MIR2052HG: variants seen among roughly 807,000 people sequenced by gnomAD.
MIR2052HG encodes MIR2052 host gene.
intron 1 of MIR2052HG, chr8:74,609,670 A>C (rs1354457156): frequency 1.3e-5 from 2 of 150,938 alleles, no homozygotes; most frequent in African/African-American, 4.8e-5. Flanking sequence ...AATATGCCAG[A>C]TTATTAGACT....
intron 4 of MIR2052HG, among the ~76,000 whole-genome samples, chr8:74,743,086 C>CA: frequency 6.6e-6 from 1 of 151,358 alleles, no homozygotes; most frequent in South Asian, 2.1e-4. Flanking sequence ...AAAAAACCAA[C>CA]AAAAAAACAC....
chr8:74,726,223 A>G (rs867238855), intron 4 of MIR2052HG, among the ~76,000 whole-genome samples: 2 of 152,192 alleles, frequency 1.3e-5, no homozygotes, highest in Non-Finnish European at 2.9e-5. Context: ...CTTGATAGTC[A>G]TACTCAGTGT....
chr8:74,681,783 A>C (rs958915965), intron 2 of MIR2052HG, among the ~76,000 whole-genome samples: 5 of 152,184 alleles, frequency 3.3e-5, no homozygotes, highest in African/African-American at 1.2e-4. Flanking sequence ...TGAGTCAAAT[A>C]AACTTCTGTT....
intron 2 of MIR2052HG, among the ~76,000 whole-genome samples, chr8:74,666,303 A>G (rs1045218881): frequency 6.6e-6 from 1 of 152,138 alleles, no homozygotes; most frequent in African/African-American, 2.4e-5. Context: ...AAAACCTGCC[A>G]ATGTCTTTTT....
intron 4 of MIR2052HG, among the ~76,000 whole-genome samples, chr8:74,723,724 C>T (rs1042796692): frequency 7.2e-5 from 11 of 152,140 alleles, no homozygotes; most frequent in African/African-American, 2.7e-4. Flanking sequence ...ATGTGCTCAG[C>T]CATTTCAGGA....
chr8:74,754,647 C>T (rs1291997793), intron 5 of MIR2052HG, among the ~76,000 whole-genome samples: 1 of 152,206 alleles, frequency 6.6e-6, no homozygotes, highest in Non-Finnish European at 1.5e-5. Flanking sequence ...CAGCCCCAGA[C>T]TACAGCTAGT....
rs200845679 is a variant in MIR2052HG, at chr8:74,749,014, T to G, written n.372-3427T>G. Among the ~76,000 whole-genome samples the G allele has an allele frequency of 2.6e-5, 4 of 152,318 alleles. No individual in the cohort carries two copies. In the East Asian group the frequency reaches 7.7e-4, roughly 29 times the overall value. ...GGAAGATAATTTTTAAAACTTTGCATGCCTCTTGGATGCCATTTCAATGTA... is the reference window on the plus strand; with the variant it reads ...GGAAGATAATTTTTAAAACTTTGCAGGCCTCTTGGATGCCATTTCAATGTA... On this transcript the variant is annotated intron_variant and non_coding_transcript_variant, in intron 4 of 6. Coordinates refer to ENST00000523442, the Ensembl canonical transcript of MIR2052HG.
chr8:74,680,986 TCTCA>T lies in MIR2052HG; in HGVS notation n.217-21387_217-21384del, dbSNP rs986121722. Among the ~76,000 whole-genome samples the T allele has an allele frequency of 4.9e-4, 72 of 146,130 alleles. No homozygotes were observed. The East Asian group carries it at 0.014, about 28-fold the overall frequency. On this transcript the variant is annotated intron_variant and non_coding_transcript_variant, in intron 2 of 6. Coordinates refer to ENST00000523442, the Ensembl canonical transcript of MIR2052HG. ...GAACAAAAAACCAAACACCGCATAT[TCTCA>T]CTCACAGGTGGGAATTGAACAATGA... is the stretch of plus-strand genomic sequence containing the variant.
chr8:74,665,748 C>A (rs1808916369), intron 2 of MIR2052HG, among the ~76,000 whole-genome samples: 2 of 152,150 alleles, frequency 1.3e-5, no homozygotes. Flanking sequence ...TGTCCCCACT[C>A]AAATCTCATT....
At chr8:74,726,231 T>G (rs1215664082) in intron 4 of MIR2052HG, among the ~76,000 whole-genome samples, 1 of 152,134 alleles carries the variant, frequency 6.6e-6, no homozygotes. Context: ...TCATACTCAG[T>G]GTATAAAACC....
At chr8:74,755,705 A>G (rs1274753041) in intron 5 of MIR2052HG, among the ~76,000 whole-genome samples, 2 of 152,170 alleles carry the variant, frequency 1.3e-5, no homozygotes, top group African/African-American at 4.8e-5. Context: ...TGTGGTGCTC[A>G]TAAAACATGG....
At chr8:74,724,650 A>G (rs1563540262) in intron 4 of MIR2052HG, among the ~76,000 whole-genome samples, 3 of 152,220 alleles carry the variant, frequency 2.0e-5, no homozygotes, top group Non-Finnish European at 2.9e-5. Context: ...AAAAGATGTG[A>G]ATTTCAGATA....
chr8:74,745,285 G>T (rs1275992747), intron 4 of MIR2052HG, among the ~76,000 whole-genome samples: 1 of 151,930 alleles, frequency 6.6e-6, no homozygotes, highest in Non-Finnish European at 1.5e-5. Context: ...ATGCAGAAAA[G>T]ATCTGATTAC....
intron 4 of MIR2052HG, among the ~76,000 whole-genome samples, chr8:74,739,530 G>A (rs1049502872): frequency 3.9e-5 from 6 of 152,088 alleles, no homozygotes; most frequent in African/African-American, 1.4e-4. Context: ...GAGATGGCAG[G>A]TTCATGAATT....
intron 4 of MIR2052HG, among the ~76,000 whole-genome samples, chr8:74,726,714 T>C (rs1039380996): frequency 2.6e-5 from 4 of 152,196 alleles, no homozygotes; most frequent in African/African-American, 9.6e-5. Context: ...ACAGGATATG[T>C]GGGCGTTATA....
chr8:74,730,557 A>T (rs1013808395), intron 4 of MIR2052HG, among the ~76,000 whole-genome samples: 5 of 152,078 alleles, frequency 3.3e-5, no homozygotes, highest in African/African-American at 1.2e-4. Flanking sequence ...AAGCAGCAAG[A>T]CTCCAGTTTT....
At chr8:74,601,518 ATCTC>A (rs1466719431) in intron 1 of MIR2052HG, among the ~76,000 whole-genome samples, 1 of 152,186 alleles carries the variant, frequency 6.6e-6, no homozygotes, top group Admixed American at 6.5e-5. Context: ...ATAGGAGTAA[ATCTC>A]TCTCAGTTCC....
chr8:74,751,373 A>C (rs144655057), intron 4 of MIR2052HG, among the ~76,000 whole-genome samples: 2,375 of 152,326 alleles, frequency 0.016, 69 homozygotes, highest in African/African-American at 0.055. Context: ...GAAAGCCTTA[A>C]AAGAAAATAT....
At chr8:74,703,117 G>T (rs1247404095) in intron 3 of MIR2052HG, among the ~76,000 whole-genome samples, 1 of 151,982 alleles carries the variant, frequency 6.6e-6, no homozygotes, top group African/African-American at 2.4e-5. Flanking sequence ...AAAAAAAGTG[G>T]ACGTGGCTAC....
Sources: allele counts gnomAD v4.1 joint callset (sites outside exome capture counted in the v4.1 genomes callset), GRCh38; gene constraint gnomAD v4.1.1; transcripts MANE v1.5; gene names NCBI Gene and HGNC (gene_info 2026-07-23, HGNC 2026-07-21).